The following ZNF335 variants were observed in gnomAD, a reference collection of about 807,000 sequenced individuals.
ZNF335 encodes the protein zinc finger protein 335.
Under a neutral mutation model 145.6 loss-of-function variants are expected in ZNF335, and 84 were observed. The observed-to-expected ratio is 0.58, with a 90% CI of 0.48 to 0.69. The LOEUF (loss-of-function observed/expected upper bound fraction) is 0.69. ZNF335 is among the 30% of genes least tolerant of loss of function. The pLI is 0.00. For synonymous variants in ZNF335, 761 were observed against 717.0 expected, an observed-to-expected ratio of 1.06 and a Z score of -0.98; for missense variants, 1,865 against 1,809.7, an observed-to-expected ratio of 1.03 and a Z score of -0.55.
chr20:45,949,527 GAGC>G lies in ZNF335; in HGVS notation c.3708_3710del (p.Leu1237del). On this transcript the variant is annotated inframe_deletion, in exon 25 of 28. Coordinates refer to ENST00000322927, the MANE Select transcript of ZNF335 (RefSeq NM_022095.4). ...CAGGGACCACAACATATTCCTGGGG[GAGC>G]AGGTGCTGGACACCATCCTGGGAGA... 1 of 1,613,444 alleles carries G rather than the reference GAGC, an allele frequency of 6.2e-7. No homozygotes were observed. The highest frequency in any genetic ancestry group is 8.5e-7 in the Non-Finnish European group (1 of 1,179,924).
chr20:45,953,598 C>A, intron 18 of ZNF335, 91 bp downstream of exon 18: 2 of 1,543,254 alleles, frequency 1.3e-6, no homozygotes, highest in East Asian at 2.3e-5. Flanking sequence ...ATTTTTGCCT[C>A]CTGCCAACTA....
rs61555698 is a variant in ZNF335, at chr20:45,955,350, C to CAAAAAAAAAAAAAA, written c.2443-1416_2443-1403dup. Among the ~76,000 whole-genome samples the CAAAAAAAAAAAAAA allele has an allele frequency of 6.2e-4, 23 of 37,326 alleles. 4 individuals carry two copies. The highest frequency in any genetic ancestry group is 3.4e-3 in the South Asian group (2 of 580). 24.5% of individuals were successfully genotyped at this position (37,326 alleles called of 152,430 possible). On this transcript the variant is annotated intron_variant, in intron 17 of 27. Coordinates refer to ENST00000322927, the MANE Select transcript of ZNF335 (RefSeq NM_022095.4). ...TGGGCAACAGAGCAAGACTCTGTCTCAAAAAAAAAAAAAAAAAAAAGATTT... is the reference window on the plus strand; with the variant it reads ...TGGGCAACAGAGCAAGACTCTGTCTCAAAAAAAAAAAAAAAAAAAAAAAAAAAAAAAAAAGATTT...
At position 45,971,299 on chromosome 20, in the gene ZNF335, C is replaced by G; in HGVS notation, c.112G>C (p.Asp38His). Reference protein sequence around the residue: ...GVGTSEAVSADSSDAAAAPGQ... With the variant: ...GVGTSEAVSAHSSDAAAAPGQ... ...GGGGCGGCCGCGGCGTCGCTGCTGT[C>G]GGCGGACACGGCTTCTGAGGTGCCC... is the stretch of plus-strand genomic sequence containing the variant. The change falls in exon 2 of 28, where the codon GAC (aspartate) becomes CAC (histidine). Residue 38 changes from aspartate to histidine, a missense_variant. Transcript: ENST00000322927. The G allele has an allele frequency of 1.3e-6, 2 of 1,590,634 alleles. No homozygotes were observed. The highest frequency in any genetic ancestry group is 1.7e-6 in the Non-Finnish European group (2 of 1,175,256).
chr20:45,956,698 G>A (rs2083734934), intron 17 of ZNF335, among the ~76,000 whole-genome samples: 2 of 151,490 alleles, frequency 1.3e-5, no homozygotes, highest in Admixed American at 1.3e-4. Flanking sequence ...CACAGGTGAA[G>A]ATACCACGTC....
rs1418885334 is a variant in ZNF335, at chr20:45,963,663, A to C, written c.1356-13T>G. Reference sequence around the variant, plus strand: ...CTTGTAATAGTACCTGCAGGATGAGAGTGTGGCGGAAAGGTCTGGTGGGGT... The same window carrying C: ...CTTGTAATAGTACCTGCAGGATGAGCGTGTGGCGGAAAGGTCTGGTGGGGT... On this transcript the variant is annotated splice_polypyrimidine_tract_variant and intron_variant, in intron 8 of 27. Coordinates refer to ENST00000322927, the MANE Select transcript of ZNF335 (RefSeq NM_022095.4). The C allele has an allele frequency of 2.5e-6, 4 of 1,613,732 alleles. No individual in the cohort carries two copies. Among genetic ancestry groups the C allele is most frequent in the Non-Finnish European group, 3.4e-6 (4 of 1,179,778 alleles).
chr20:45,965,072 A>ATAATAATAAT (rs571770957), intron 7 of ZNF335, among the ~76,000 whole-genome samples: 1 of 135,680 alleles, frequency 7.4e-6, no homozygotes, highest in African/African-American at 2.7e-5. Flanking sequence ...ATAATAATAC[A>ATAATAATAAT]ACAACTCTCC....
At chr20:45,949,287 G>T in intron 26 of ZNF335, 36 bp from the exon 27 acceptor site, 1 of 1,613,990 alleles carries the variant, frequency 6.2e-7, no homozygotes, top group East Asian at 2.2e-5. Context: ...CTGGCCTGGA[G>T]AAACCTGCCT....
In ZNF335 at chr20:45,963,855, G is replaced by C. The variant is rs758265772; in HGVS notation, c.1238C>G (p.Ala413Gly). ...MGKVSRTPVE[A>G]GVSQSDAENA... The stretch of plus-strand genomic sequence containing the variant: ...CTCTGCATCTGACTGGCTCACACCA[G>C]CTTCCACAGGGGTCCTGCTCACCTT... Residue 413 changes from alanine (A) to glycine (G), a missense_variant, in exon 8 of 28, where the codon GCT becomes GGT. By Grantham distance (60) the Ala-to-Gly change is moderately conservative. Coordinates refer to ENST00000322927, the MANE Select transcript of ZNF335 (RefSeq NM_022095.4). 6.2e-7 allele frequency: 1 copy of C among 1,612,320 alleles called. No homozygotes were observed. Among genetic ancestry groups the C allele is most frequent in the South Asian group, 1.1e-5 (1 of 90,866 alleles).
chr20:45,957,767 C>T (rs2083756025), intron 16 of ZNF335, 68 bp downstream of exon 16: 1 of 1,605,330 alleles, frequency 6.2e-7, no homozygotes, highest in South Asian at 1.1e-5. Context: ...CCCCCACCAG[C>T]ACGACCTGCC....
At position 45,959,206 on chromosome 20, in the gene ZNF335, G is replaced by C; in HGVS notation, c.2248C>G (p.Pro750Ala). The C allele has an allele frequency of 7.3e-7, 1 of 1,366,548 alleles. No individual in the cohort carries two copies. Among genetic ancestry groups the C allele is most frequent in the South Asian group, 2.0e-5 (1 of 51,216 alleles). The allele number at this position is 1,366,548 out of a possible 1,614,324, so 84.7% of individuals were successfully genotyped here. A position where few individuals can be genotyped will look rare whatever the true frequency, so the allele number is the denominator to read the frequency against. ...PGPPPSSPGPPEIPPEATTFQ... is the reference protein window; with the variant it reads ...PGPPPSSPGPAEIPPEATTFQ... ...GACCCATGCCCCGACCTTACCTCAG[G>C]AGGTCCTGGGGAACTGGGAGGTGGT... The change falls in exon 15 of 28, where the codon CCT becomes GCT. Residue 750 changes from proline to alanine, a missense_variant. Coordinates refer to ENST00000322927, the MANE Select transcript of ZNF335 (RefSeq NM_022095.4).
Position 45,960,337 on chromosome 20 carries a change from CACAA to C in ZNF335, c.1887_1890del (p.Cys630LysfsTer7), listed in dbSNP as rs1334014929. On this transcript the variant is annotated frameshift_variant, in exon 14 of 28. Transcript: ENST00000322927. LOFTEE classifies it high-confidence loss of function. ...TGGTTCAGCAGTGCCTTCTTGTCTT[CACAA>C]ACAAACTCACAGAACTCACACTTGA... 14 of 1,614,100 alleles carry C rather than the reference CACAA, an allele frequency of 8.7e-6. No homozygotes were observed. In the South Asian group the frequency reaches 1.1e-4, roughly 13 times the overall value.
At position 45,950,498 on chromosome 20, in the gene ZNF335, G is replaced by A; in HGVS notation, c.3287C>T (p.Thr1096Ile). Reference sequence around the variant, plus strand: ...TGCAAAAGGCTTCTCCTTTGTGTGAGTCAGCATGTGCCGACGCAGGTCCTT... The same window carrying A: ...TGCAAAAGGCTTCTCCTTTGTGTGAATCAGCATGTGCCGACGCAGGTCCTT... ...NKKDLRRHML[T>I]HTKEKPFACH... The change falls in exon 21 of 28, where the codon ACT becomes ATT. Residue 1096 changes from threonine (T) to isoleucine (I), a missense_variant. Transcript: ENST00000322927. The A allele has an allele frequency of 6.2e-7, 1 of 1,614,234 alleles. No individual in the cohort carries two copies. The highest frequency in any genetic ancestry group is 8.5e-7 in the Non-Finnish European group (1 of 1,180,042).
rs1330798681 is a variant in ZNF335, at chr20:45,965,572, GGA to G, written c.1102+54_1102+55del. 11 of 1,547,378 alleles carry G rather than the reference GGA, an allele frequency of 7.1e-6. No individual in the cohort carries two copies. In the African/African-American group the frequency reaches 1.3e-4, roughly 18 times the overall value. On this transcript the variant is annotated intron_variant, in intron 7 of 27. Transcript: ENST00000322927. ...CCCAGAACTCCACAGAGACAAGCAGGGAGAGAGGCCACTCCTGACCCACCCAC... is the reference window on the plus strand; with the variant it reads ...CCCAGAACTCCACAGAGACAAGCAGGGAGAGGCCACTCCTGACCCACCCAC...
chr20:45,950,658 A>AC, intron 20 of ZNF335, 63 bp from the exon 21 acceptor site: 1 of 1,591,322 alleles, frequency 6.3e-7, no homozygotes, highest in African/African-American at 1.3e-5. Context: ...AAATCCCCGG[A>AC]TCCCTGCTGA....
rs1051364736 is a variant in ZNF335 at position 45,953,785 on chromosome 20, A to G, written c.2606T>C (p.Ile869Thr). 4 of 1,614,070 alleles carry G rather than the reference A, an allele frequency of 2.5e-6. No homozygotes were observed. The highest frequency in any genetic ancestry group is 1.3e-5 in the African/African-American group (1 of 74,948). The stretch of plus-strand genomic sequence containing the variant: ...ACCAAATGGACCAGGTGCCAGGGTG[A>G]TCTGCGGTAGGTCAGGAGGGCCTAG... ...SQLGPPDLPQ[I>T]TLAPGPFGGT... The change falls in exon 18 of 28, where the codon ATC becomes ACC. Residue 869 changes from isoleucine to threonine, a missense_variant. Coordinates refer to ENST00000322927, the MANE Select transcript of ZNF335 (RefSeq NM_022095.4).
At chr20:45,968,221 A>G in intron 4 of ZNF335, 64 bp downstream of exon 4, 1 of 1,563,446 alleles carries the variant, frequency 6.4e-7, no homozygotes, top group Admixed American at 1.7e-5. Flanking sequence ...CCGCGGCAGA[A>G]CCTGTCCTCA....
rs2084065585 is a variant in ZNF335, at chr20:45,971,445, G to C, written c.-35C>G. The C allele has an allele frequency of 1.3e-6, 2 of 1,595,504 alleles. No individual in the cohort carries two copies. Among genetic ancestry groups the C allele is most frequent in the African/African-American group, 1.3e-5 (1 of 74,844 alleles). ...GGGCTGCCTGACAGCGGGGCGTAGG[G>C]TCTGGGAACTTCACTCTGAGAAGAG... On this transcript the variant is annotated 5_prime_UTR_variant, in exon 2 of 28. Coordinates refer to ENST00000322927, the MANE Select transcript of ZNF335 (RefSeq NM_022095.4).
In ZNF335 at chr20:45,949,243, A is replaced by C. The variant is rs1488595311; in HGVS notation, c.3828T>G (p.Tyr1276Ter). ...GCTGCTGGCCTGGGGACACAGGCAC[A>C]TACTGGATCTGGAGGGGAGAAGCTG... ...APFLQESQIQ[Y>*]VPVSPGQQLV... is the part of the protein sequence containing the mutation. The change falls in exon 27 of 28, where the codon TAT becomes TAG. Residue 1276 changes from tyrosine (Y) to a stop codon, truncating the protein, a stop_gained. Coordinates refer to ENST00000322927, the MANE Select transcript of ZNF335 (RefSeq NM_022095.4). LOFTEE classifies it high-confidence loss of function. 6.2e-7 allele frequency: 1 copy of C among 1,613,842 alleles called. No individual in the cohort carries two copies. The highest frequency in any genetic ancestry group is 8.5e-7 in the Non-Finnish European group (1 of 1,179,998).
At chr20:45,960,941 C>T (rs2083832684) in intron 10 of ZNF335, 59 bp from the exon 11 acceptor site, 8 of 1,605,794 alleles carry the variant, frequency 5.0e-6, no homozygotes, top group Non-Finnish European at 6.0e-6. Context: ...TCTAGACCCT[C>T]TCACACTGAA....
Sources: allele counts gnomAD v4.1 joint callset (sites outside exome capture counted in the v4.1 genomes callset), GRCh38; gene constraint gnomAD v4.1.1; transcripts MANE v1.5; gene names NCBI Gene and HGNC (gene_info 2026-07-23, HGNC 2026-07-21).